Variants in GREM2 observed in about 807,000 individuals in gnomAD.
The protein encoded by GREM2 is gremlin-2.
Under a neutral mutation model 14.2 loss-of-function variants are expected in GREM2, and 11 were observed. The observed-to-expected ratio is 0.78, with a 90% CI of 0.49 to 1.28. GREM2 has a LOEUF of 1.28. Among genes scored for constraint, GREM2 ranks in the 50% most tolerant of loss-of-function variants. The probability of loss-of-function intolerance (pLI) is 0.00; values close to 1 mark genes in which losing one functional copy is unlikely to be tolerated. For synonymous variants in GREM2, 98 were observed against 97.6 expected, an observed-to-expected ratio of 1.00 and a Z score of -0.02; for missense variants, 210 against 218.5, an observed-to-expected ratio of 0.96 and a Z score of 0.24.
At chr1:240,494,935 C>T (rs2103269789) in intron 1 of GREM2, among the ~76,000 whole-genome samples, 1 of 152,122 alleles carries the variant, frequency 6.6e-6, no homozygotes, top group East Asian at 1.9e-4. Context: ...ATAGAAATTT[C>T]CCTAGCTGTA....
At chr1:240,530,487 T>C (rs186924224) in intron 1 of GREM2, 13 of 152,310 alleles carry the variant, frequency 8.5e-5, no homozygotes, top group African/African-American at 2.4e-4. Context: ...CTCTCTAAAA[T>C]ATATGACTCT....
chr1:240,562,948 GTGTA>G (rs1679086892), intron 1 of GREM2, among the ~76,000 whole-genome samples: 3 of 139,208 alleles, frequency 2.2e-5, no homozygotes, highest in Admixed American at 2.1e-4. Context: ...GTGTGTGAGT[GTGTA>G]TGTGTGTGAG....
At chr1:240,587,940 C>T (rs1679630571) in intron 1 of GREM2, among the ~76,000 whole-genome samples, 1 of 152,082 alleles carries the variant, frequency 6.6e-6, no homozygotes, top group Non-Finnish European at 1.5e-5. Flanking sequence ...ATTTCTGTGC[C>T]CTCCAGCCTG....
chr1:240,562,750 CAT>C (rs1334768520), intron 1 of GREM2, among the ~76,000 whole-genome samples: 4 of 149,312 alleles, frequency 2.7e-5, no homozygotes, highest in Non-Finnish European at 4.4e-5. Flanking sequence ...TGTGTGCACG[CAT>C]ATGTGTGTAT....
chr1:240,507,837 G>A (rs1677716425), intron 1 of GREM2, among the ~76,000 whole-genome samples: 1 of 152,130 alleles, frequency 6.6e-6, no homozygotes, highest in Admixed American at 6.6e-5. Flanking sequence ...AAGTGAAGAC[G>A]ATGTGTACAG....
chr1:240,511,570 G>A (rs1677829860), intron 1 of GREM2, among the ~76,000 whole-genome samples: 1 of 152,148 alleles, frequency 6.6e-6, no homozygotes, highest in Admixed American at 6.5e-5. Flanking sequence ...GGCCAACACG[G>A]TGAAACCCCG....
chr1:240,496,936 G>A (rs1328708934), intron 1 of GREM2, among the ~76,000 whole-genome samples: 1 of 152,024 alleles, frequency 6.6e-6, no homozygotes, highest in South Asian at 2.1e-4. Context: ...CAGGAGAATC[G>A]CTTGAACCCG....
chr1:240,548,107 T>TA (rs72226155), intron 1 of GREM2, among the ~76,000 whole-genome samples: 97 of 137,482 alleles, frequency 7.1e-4, no homozygotes, highest in Middle Eastern at 7.6e-3. Context: ...ACTAAAAATT[T>TA]AAAAAAAAAA....
chr1:240,596,067 G>T (rs1270812940), intron 1 of GREM2, among the ~76,000 whole-genome samples: 2 of 152,186 alleles, frequency 1.3e-5, no homozygotes, highest in African/African-American at 4.8e-5. Flanking sequence ...AGTTATTATA[G>T]TAGAATACTC....
At chr1:240,549,699 A>G (rs915609110) in intron 1 of GREM2, among the ~76,000 whole-genome samples, 3 of 152,166 alleles carry the variant, frequency 2.0e-5, no homozygotes, top group African/African-American at 7.2e-5. Flanking sequence ...AGCTACGGTG[A>G]TGTGCTTGGA....
intron 1 of GREM2, among the ~76,000 whole-genome samples, chr1:240,562,426 C>T (rs1051936938): frequency 1.3e-5 from 2 of 152,194 alleles, no homozygotes; most frequent in Non-Finnish European, 2.9e-5. Context: ...AGTCCCGCCT[C>T]TGAGCCATTT....
chr1:240,563,038 G>A (rs1470883205), intron 1 of GREM2, among the ~76,000 whole-genome samples: 1 of 142,774 alleles, frequency 7.0e-6, no homozygotes, highest in Non-Finnish European at 1.5e-5. Flanking sequence ...ATATGAGTGT[G>A]TATGTGTGTA....
chr1:240,510,048 T>C (rs954346429), intron 1 of GREM2, among the ~76,000 whole-genome samples: 2 of 152,120 alleles, frequency 1.3e-5, no homozygotes, highest in Non-Finnish European at 1.5e-5. Flanking sequence ...AATACATCCA[T>C]TTATAAAAAT....
intron 1 of GREM2, among the ~76,000 whole-genome samples, chr1:240,562,127 G>A (rs899291696): frequency 2.6e-5 from 4 of 152,210 alleles, no homozygotes; most frequent in African/African-American, 7.2e-5. Context: ...ACACAAAGGG[G>A]AAAAAAATGA....
chr1:240,583,838 G>T (rs946740115), intron 1 of GREM2, among the ~76,000 whole-genome samples: 3 of 151,954 alleles, frequency 2.0e-5, no homozygotes, highest in African/African-American at 4.8e-5. Flanking sequence ...TCTTGACCTC[G>T]TGATCTGCCC....
Position 240,540,917 on chromosome 1 carries a change from C to T in GREM2, c.-1-47441G>A, listed in dbSNP as rs1287380572. The stretch of plus-strand genomic sequence containing the variant: ...AAGGAGAGAGATGGCACTCATCAAT[C>T]AGTTTGTCGCCTTCCAGCATTCTGG... On this transcript the variant is annotated intron_variant, in intron 1 of 1. Transcript: ENST00000318160. This position sits in a 1 kb window ranked among gnomAD's most constrained non-coding sequence, Gnocchi z 4.2. 1.3e-5 allele frequency among the ~76,000 whole-genome samples: 2 copies of T among 152,116 alleles called. No homozygotes were observed. The highest frequency in any genetic ancestry group is 2.9e-5 in the Non-Finnish European group (2 of 68,032).
intron 1 of GREM2, among the ~76,000 whole-genome samples, chr1:240,559,166 A>G (rs963797125): frequency 1.3e-5 from 2 of 152,164 alleles, no homozygotes; most frequent in Non-Finnish European, 2.9e-5. Context: ...ACTCTGTTAC[A>G]TTGAAATTCA....
chr1:240,509,429 C>T (rs1204878977), intron 1 of GREM2, among the ~76,000 whole-genome samples: 10 of 145,556 alleles, frequency 6.9e-5, no homozygotes, highest in Non-Finnish European at 1.3e-4. Context: ...AGTGCAATGG[C>T]ACGATCTTGG....
At chr1:240,597,863 G>T (rs1386456877) in intron 1 of GREM2, among the ~76,000 whole-genome samples, 1 of 152,026 alleles carries the variant, frequency 6.6e-6, no homozygotes, top group Non-Finnish European at 1.5e-5. Flanking sequence ...CATTTTCTAA[G>T]CAACTACCCT....
Sources: allele counts gnomAD v4.1 joint callset (sites outside exome capture counted in the v4.1 genomes callset), GRCh38; gene constraint gnomAD v4.1.1; non-coding constraint Gnocchi (gnomAD v3.1); transcripts MANE v1.5; gene names NCBI Gene and HGNC (gene_info 2026-07-23, HGNC 2026-07-21).